The following SRPK2 variants were observed in gnomAD, a reference collection of about 807,000 sequenced individuals.
SRPK2 encodes SRSF protein kinase 2, also known as SFRS protein kinase 2.
Under a neutral mutation model 90.8 loss-of-function variants are expected in SRPK2, and 21 were observed. The ratio of observed to expected loss-of-function variants is 0.23; its 90% CI spans 0.16 to 0.33. The LOEUF (loss-of-function observed/expected upper bound fraction) is 0.33, where lower values mean the gene tolerates loss of function less well. Among genes scored for constraint, SRPK2 ranks in the 10% least tolerant of loss-of-function variants. The pLI is 1.00. For synonymous variants in SRPK2, 288 were observed against 311.1 expected (o/e 0.93, Z 0.78); for missense variants, 620 against 869.0 (o/e 0.71, Z 3.60).
chr7:105,128,292 T>C (rs1220574385), intron 13 of SRPK2, among the ~76,000 whole-genome samples: 1 of 152,186 alleles, frequency 6.6e-6, no homozygotes, highest in Non-Finnish European at 1.5e-5. Flanking sequence ...GAACCTGGCA[T>C]AGGTCTGAGC....
At chr7:105,373,356 TTTCC>T (rs1819915157) in intron 2 of SRPK2, among the ~76,000 whole-genome samples, 1 of 151,736 alleles carries the variant, frequency 6.6e-6, no homozygotes, top group Admixed American at 6.6e-5. Flanking sequence ...ATCCTTTAAC[TTTCC>T]TTCCTTTACT....
At chr7:105,270,702 C>A (rs2130521074) in intron 2 of SRPK2, among the ~76,000 whole-genome samples, 1 of 151,814 alleles carries the variant, frequency 6.6e-6, no homozygotes. Context: ...AGCCACAGCA[C>A]CAGGCCTCCT....
intron 2 of SRPK2, among the ~76,000 whole-genome samples, chr7:105,319,221 TCA>T (rs780644896): frequency 5.9e-5 from 9 of 152,160 alleles, no homozygotes; most frequent in Admixed American, 2.6e-4. Flanking sequence ...AATCAAGGAA[TCA>T]CAGTTTTTCA....
intron 11 of SRPK2, among the ~76,000 whole-genome samples, chr7:105,138,378 G>A (rs1336307458): frequency 6.6e-6 from 1 of 152,176 alleles, no homozygotes; most frequent in African/African-American, 2.4e-5. Context: ...AGAGAAGTAA[G>A]CCTGCTGGGG....
rs1563321151 is a variant in SRPK2, at chr7:105,386,842, CA to C, written c.71+1805del. Among the ~76,000 whole-genome samples the C allele has an allele frequency of 3.9e-5, 6 of 152,338 alleles. No homozygotes were observed. The South Asian group carries it at 1.0e-3, about 26-fold the overall frequency. On this transcript the variant is annotated intron_variant, in intron 2 of 15. Transcript: ENST00000393651. Reference sequence around the variant, plus strand: ...ACAGACTAGAGCCAGTTCGTTTCATCATTAGCTGGTGTGTTATTTTCCCCCT... The same window carrying C: ...ACAGACTAGAGCCAGTTCGTTTCATCTTAGCTGGTGTGTTATTTTCCCCCT...
At chr7:105,287,167 A>G (rs1808223986) in intron 2 of SRPK2, among the ~76,000 whole-genome samples, 1 of 148,074 alleles carries the variant, frequency 6.8e-6, no homozygotes, top group Non-Finnish European at 1.5e-5. Flanking sequence ...AGGCTGAGGC[A>G]GGAGAATGGC....
At chr7:105,115,246 TGAA>T (rs377077139), downstream of SRPK2, 162 of 152,344 alleles carry the variant, frequency 1.1e-3, no homozygotes, top group African/African-American at 3.8e-3. Flanking sequence ...GGATAGAAAC[TGAA>T]GAAGTTCTCT....
chr7:105,253,106 A>G lies in SRPK2; in HGVS notation c.72-49321T>C, dbSNP rs1484637222. Among the ~76,000 whole-genome samples, 4 of 152,194 alleles carry G rather than the reference A, an allele frequency of 2.6e-5. No individual in the cohort carries two copies. The East Asian group carries it at 7.7e-4, about 29-fold the overall frequency. On this transcript the variant is annotated intron_variant, in intron 2 of 15. Coordinates refer to ENST00000393651, the MANE Select transcript of SRPK2 (RefSeq NM_182692.3). ...ATTAACTGCGTAAAACCTAGGAAAA[A>G]AATACGTAAGACTTAACAGGTCAAT...
At chr7:105,331,981 A>G (rs1473250311) in intron 2 of SRPK2, among the ~76,000 whole-genome samples, 1 of 152,192 alleles carries the variant, frequency 6.6e-6, no homozygotes, top group African/African-American at 2.4e-5. Context: ...CAACAGGGTG[A>G]AGCCCCATTT....
chr7:105,306,550 GA>G (rs1197291449), intron 2 of SRPK2: 1 of 443,398 alleles, frequency 2.3e-6, no homozygotes, highest in Non-Finnish European at 4.5e-6. Flanking sequence ...TTCTACCCTT[GA>G]AGCAGCAGGA....
intron 2 of SRPK2, chr7:105,244,870 T>A: frequency 7.8e-7 from 1 of 1,276,986 alleles, no homozygotes; most frequent in South Asian, 1.2e-5. Flanking sequence ...CTCAAGTTCA[T>A]CAAGAAAAGG....
chr7:105,183,480 T>C (rs574504257), intron 3 of SRPK2, among the ~76,000 whole-genome samples: 1 of 152,096 alleles, frequency 6.6e-6, no homozygotes, highest in East Asian at 1.9e-4. Flanking sequence ...TTTTTGTTTG[T>C]TTGTTTGTCT....
intron 2 of SRPK2, among the ~76,000 whole-genome samples, chr7:105,353,661 T>G (rs996401492): frequency 6.6e-6 from 1 of 152,096 alleles, no homozygotes; most frequent in Admixed American, 6.6e-5. Context: ...TCAAGCAAAT[T>G]CATCAGGCCC....
At chr7:105,247,896 G>C (rs1278667142) in intron 2 of SRPK2, among the ~76,000 whole-genome samples, 1 of 148,176 alleles carries the variant, frequency 6.7e-6, no homozygotes, top group Non-Finnish European at 1.5e-5. Flanking sequence ...TTGAGACAGA[G>C]TTTCACTCTT....
At chr7:105,146,726 G>C in intron 7 of SRPK2, 68 bp from the exon 8 acceptor site, 10 of 1,485,292 alleles carry the variant, frequency 6.7e-6, no homozygotes, top group Non-Finnish European at 9.2e-6. Flanking sequence ...TTATTTATTT[G>C]AAAAACATGT....
intron 7 of SRPK2, among the ~76,000 whole-genome samples, chr7:105,157,529 C>T (rs2129580929): frequency 6.6e-6 from 1 of 152,268 alleles, no homozygotes; most frequent in Middle Eastern, 3.4e-3. Context: ...CAACTTACTA[C>T]ACTGAAAGTT....
intron 2 of SRPK2, among the ~76,000 whole-genome samples, chr7:105,312,448 A>AAAAAAAC (rs1554506085): frequency 6.6e-6 from 1 of 151,594 alleles, no homozygotes; most frequent in Non-Finnish European, 1.5e-5. Flanking sequence ...AAAAAAAAAA[A>AAAAAAAC]AAAAAACAAG....
intron 2 of SRPK2, among the ~76,000 whole-genome samples, chr7:105,226,004 C>T (rs540842348): frequency 6.6e-6 from 1 of 152,272 alleles, no homozygotes; most frequent in South Asian, 2.1e-4. Flanking sequence ...CTGAACAATG[C>T]TGCTTAGAGT....
intron 2 of SRPK2, among the ~76,000 whole-genome samples, chr7:105,270,959 G>C (rs1805754401): frequency 6.6e-6 from 1 of 152,098 alleles, no homozygotes; most frequent in East Asian, 1.9e-4. Flanking sequence ...AATGTTAAAT[G>C]GTTTTTCCAT....
Sources: allele counts gnomAD v4.1 joint callset (sites outside exome capture counted in the v4.1 genomes callset), GRCh38; gene constraint gnomAD v4.1.1; transcripts MANE v1.5; gene names NCBI Gene and HGNC (gene_info 2026-07-23, HGNC 2026-07-21).